The following DPF3 variants were observed in gnomAD, a reference collection of about 807,000 sequenced individuals.
The protein encoded by DPF3 is zinc finger protein DPF3.
Under a neutral mutation model 56.8 loss-of-function variants are expected in DPF3, and 18 were observed. The observed-to-expected ratio is 0.32, with a 90% CI of 0.22 to 0.47. The LOEUF is 0.47. DPF3 is among the 20% of genes least tolerant of loss of function. DPF3 has a pLI of 1.00. For missense variants in DPF3, 403 were observed against 488.8 expected, an observed-to-expected ratio of 0.82 and a Z score of 1.65; for synonymous variants, 188 against 180.2, an observed-to-expected ratio of 1.04 and a Z score of -0.35.
intron 1 of DPF3, among the ~76,000 whole-genome samples, chr14:72,834,432 G>A (rs1401157747): frequency 6.8e-6 from 1 of 147,684 alleles, no homozygotes. Context: ...GGGAGGCAGA[G>A]GTTGCAGTGA....
At chr14:72,620,160 G>T (rs1412706305) in intron 9 of DPF3, among the ~76,000 whole-genome samples, 176 bp from the exon 10 acceptor site, 4 of 151,968 alleles carry the variant, frequency 2.6e-5, no homozygotes. Flanking sequence ...CCCACAACTG[G>T]AGTTTCCCCC....
At chr14:72,875,307 T>G (rs1409294919) in intron 1 of DPF3, among the ~76,000 whole-genome samples, 3 of 152,044 alleles carry the variant, frequency 2.0e-5, no homozygotes, top group African/African-American at 7.2e-5. Context: ...CTTGGGAAGC[T>G]GGGGTGGGAG....
At chr14:72,826,344 C>T (rs532548126) in intron 1 of DPF3, among the ~76,000 whole-genome samples, 1 of 152,212 alleles carries the variant, frequency 6.6e-6, no homozygotes, top group East Asian at 1.9e-4. Context: ...CCAATTAATC[C>T]TCTAGGCTTC....
At chr14:72,892,101 G>C in intron 1 of DPF3, 3 of 1,499,792 alleles carry the variant, frequency 2.0e-6, no homozygotes, top group Admixed American at 4.5e-5. Context: ...GCGCGAAAGC[G>C]GGCTCCCGGG....
intron 1 of DPF3, among the ~76,000 whole-genome samples, chr14:72,805,750 G>A (rs1882748969): frequency 6.6e-6 from 1 of 152,180 alleles, no homozygotes; most frequent in Non-Finnish European, 1.5e-5. Flanking sequence ...GGAGGCCTGG[G>A]TATTAGAATC....
At chr14:72,824,340 C>A (rs17181923) in intron 1 of DPF3, among the ~76,000 whole-genome samples, 11,590 of 152,196 alleles carry the variant, frequency 0.076, 635 homozygotes, top group South Asian at 0.18. Context: ...TGGTCTGGGG[C>A]AAGCTAAGGA....
At chr14:72,661,202 A>C (rs1886196996) in intron 8 of DPF3, 1 of 985,342 alleles carries the variant, frequency 1.0e-6, no homozygotes, top group African/African-American at 1.7e-5. Flanking sequence ...CATTTTGACA[A>C]GGGACATTTT....
rs17121456 is a variant in DPF3, at chr14:72,839,549, G to T, written c.32+54508C>A. On this transcript the variant is annotated intron_variant, in intron 1 of 10. Transcript: ENST00000556509. ...CCGAGGGACTGGCGAAATGACGCAG[G>T]GGCCAGATAGATGTCAGATTTGGCC... Among the ~76,000 whole-genome samples the T allele has an allele frequency of 3.5e-3, 535 of 152,266 alleles. 15 individuals are homozygous for T. Among genetic ancestry groups the T allele is most frequent in the Admixed American group, 0.03 (459 of 15,288 alleles).
intron 9 of DPF3, among the ~76,000 whole-genome samples, chr14:72,627,331 G>A (rs1884893766): frequency 6.6e-6 from 1 of 151,992 alleles, no homozygotes; most frequent in South Asian, 2.1e-4. Flanking sequence ...TTTTATGTAT[G>A]GTGTAAGATA....
intron 4 of DPF3, 93 bp from the exon 5 acceptor site, chr14:72,723,821 T>C: frequency 1.5e-6 from 2 of 1,295,244 alleles, no homozygotes; most frequent in Non-Finnish European, 2.1e-6. Flanking sequence ...TGATTTGTTG[T>C]TATTTTTTAA....
chr14:72,818,568 A>G (rs972242511), intron 1 of DPF3, among the ~76,000 whole-genome samples: 1 of 152,206 alleles, frequency 6.6e-6, no homozygotes, highest in Non-Finnish European at 1.5e-5. Flanking sequence ...TCCCAGCTAC[A>G]TCGCAGGCTG....
rs1884149387 is a variant in DPF3, at chr14:72,617,355, G to C, written c.*1942C>G. On this transcript the variant is annotated 3_prime_UTR_variant, in exon 11 of 11. Transcript: ENST00000556509. ...TTAGCCTTTGGAGACAGCCTGCTTT[G>C]GGTTTTGTGGGAAGAGAGAGAGCTG... Among the ~76,000 whole-genome samples the C allele has an allele frequency of 6.6e-6, 1 of 152,082 alleles. No homozygotes were observed. The highest frequency in any genetic ancestry group is 1.5e-5 in the Non-Finnish European group (1 of 68,022).
intron 1 of DPF3, chr14:72,892,644 G>A (rs1208977880): frequency 1.8e-6 from 2 of 1,106,246 alleles, no homozygotes; most frequent in East Asian, 5.5e-5. Context: ...GGGTGAAGAC[G>A]AGAATGCGCT....
At chr14:72,722,602 G>A (rs1847809350) in intron 5 of DPF3, among the ~76,000 whole-genome samples, 1 of 152,172 alleles carries the variant, frequency 6.6e-6, no homozygotes, top group Non-Finnish European at 1.5e-5. Flanking sequence ...CAGAATGCCT[G>A]GGACTAAGTG....
At chr14:72,871,892 G>A (rs1388184569) in intron 1 of DPF3, among the ~76,000 whole-genome samples, 2 of 152,176 alleles carry the variant, frequency 1.3e-5, no homozygotes, top group African/African-American at 4.8e-5. Context: ...GACTCTGTAT[G>A]GAGGCTCCAA....
chr14:72,719,564 ATGAT>A (rs1889081181), intron 5 of DPF3, among the ~76,000 whole-genome samples: 1 of 152,190 alleles, frequency 6.6e-6, no homozygotes, highest in East Asian at 1.9e-4. Flanking sequence ...TAAATACTTC[ATGAT>A]TGATTGATAA....
intron 2 of DPF3, among the ~76,000 whole-genome samples, chr14:72,762,472 T>C (rs371031748): frequency 6.6e-6 from 1 of 151,480 alleles, no homozygotes; most frequent in Non-Finnish European, 1.5e-5. Context: ...GAAGCTTCCA[T>C]GAACAAAAGA....
At chr14:72,684,957 G>A (rs1249714220) in intron 7 of DPF3, among the ~76,000 whole-genome samples, 1 of 152,156 alleles carries the variant, frequency 6.6e-6, no homozygotes, top group African/African-American at 2.4e-5. Flanking sequence ...ACCAAAGAAA[G>A]GCCATGTGAG....
intron 9 of DPF3, among the ~76,000 whole-genome samples, chr14:72,623,325 AC>A (rs1884581884): frequency 1.3e-5 from 2 of 152,264 alleles, no homozygotes; most frequent in South Asian, 2.1e-4. Flanking sequence ...CCTAAAAAAA[AC>A]AAAAGAAAAA....
Sources: allele counts gnomAD v4.1 joint callset (sites outside exome capture counted in the v4.1 genomes callset), GRCh38; gene constraint gnomAD v4.1.1; transcripts MANE v1.5; gene names NCBI Gene and HGNC (gene_info 2026-07-23, HGNC 2026-07-21).